MCM3: variants seen among roughly 807,000 people sequenced by gnomAD.
MCM3 encodes minichromosome maintenance complex component 3.
A neutral mutation model predicts 91.3 loss-of-function variants in MCM3; 59 were observed. The observed-to-expected ratio is 0.65, with a 90% CI of 0.52 to 0.80. The LOEUF is 0.80. Among genes scored for constraint, MCM3 ranks in the 30% least tolerant of loss-of-function variants. The pLI, the probability that MCM3 is intolerant of heterozygous loss-of-function variation, is 0.00. For synonymous variants in MCM3, 383 were observed against 379.6 expected (o/e 1.01, Z -0.10); for missense variants, 919 against 1,035.4 (o/e 0.89, Z 1.54).
Position 52,277,141 on chromosome 6 carries a change from C to G in MCM3, c.1091G>C (p.Arg364Pro). Residue 364 changes from arginine (R) to proline (P), a missense_variant, in exon 8 of 17, where the codon CGA becomes CCA. Coordinates refer to ENST00000596288, the MANE Select transcript of MCM3 (RefSeq NM_002388.6). ...GCCCCGGCCAGTGGTGGGGATAGCT[C>G]GGGGTGCAGTGCAAAGCACATACCG... The part of the protein sequence containing the change: ...LLRYVLCTAP[R>P]AIPTTGRGSS... The G allele has an allele frequency of 6.2e-7, 1 of 1,614,048 alleles. No individual in the cohort carries two copies. The highest frequency in any genetic ancestry group is 8.5e-7 in the Non-Finnish European group (1 of 1,180,006).
intron 3 of MCM3, 75 bp from the exon 4 acceptor site, chr6:52,282,250 G>GC: frequency 7.4e-7 from 1 of 1,343,914 alleles, no homozygotes; most frequent in South Asian, 1.2e-5. Context: ...ACATATGCAA[G>GC]CCTATAATGA....
At position 52,284,675 on chromosome 6, in the gene MCM3, G is replaced by A. The variant is rs1480636930; in HGVS notation, c.-1C>T. ...CGTCCAGCACCACGGTACCCGCCAT[G>A]CCCGCTGCCAAAGAACTACCTCCAC... On this transcript the variant is annotated 5_prime_UTR_variant, in exon 1 of 17. Coordinates refer to ENST00000596288, the MANE Select transcript of MCM3 (RefSeq NM_002388.6). The A allele has an allele frequency of 6.2e-7, 1 of 1,607,078 alleles. No homozygotes were observed. The highest frequency in any genetic ancestry group is 8.5e-7 in the Non-Finnish European group (1 of 1,177,390).
rs1459531760 is a variant in MCM3 at position 52,282,748 on chromosome 6, A to G, written c.305T>C (p.Leu102Pro). The G allele has an allele frequency of 3.7e-6, 6 of 1,614,094 alleles. No homozygotes were observed. The highest frequency in any genetic ancestry group is 5.1e-6 in the Non-Finnish European group (6 of 1,180,042). ...GTGCTTGGAGCCAAAGCTGCCTTCC[A>G]GTCCTACGTAGAACTCCTCATACTG... ...AKQYEEFYVG[L>P]EGSFGSKHVS... The change falls in exon 3 of 17, where the codon CTG becomes CCG. Residue 102 changes from leucine (L) to proline (P), a missense_variant. Physicochemically the swap from Leu to Pro is moderately conservative, Grantham distance 98. Transcript: ENST00000596288.
At chr6:52,276,507 A>G in intron 8 of MCM3, 31 bp from the exon 9 acceptor site, 1 of 1,578,442 alleles carries the variant, frequency 6.3e-7, no homozygotes, top group Non-Finnish European at 8.7e-7. Context: ...AATACGTGCT[A>G]CAGTCTAGGT....
At chr6:52,279,813 T>C (rs1313854870) in intron 4 of MCM3, among the ~76,000 whole-genome samples, 2 of 152,260 alleles carry the variant, frequency 1.3e-5, no homozygotes, top group African/African-American at 4.8e-5. Context: ...ACTATGGTTA[T>C]ATTAACATCT....
intron 9 of MCM3, among the ~76,000 whole-genome samples, chr6:52,274,484 A>C (rs1456697283): frequency 6.6e-6 from 1 of 152,156 alleles, no homozygotes; most frequent in Non-Finnish European, 1.5e-5. Flanking sequence ...GTTCGAGACC[A>C]GCCTGGGCAA....
At chr6:52,269,018 G>A in intron 13 of MCM3, 68 bp downstream of exon 13, 1 of 1,510,936 alleles carries the variant, frequency 6.6e-7, no homozygotes. Context: ...GCCACGGAAG[G>A]CTGGGAAGCC....
intron 14 of MCM3, among the ~76,000 whole-genome samples, chr6:52,267,318 G>C (rs1318729214): frequency 7.9e-5 from 12 of 151,806 alleles, no homozygotes; most frequent in Admixed American, 7.9e-4. Context: ...GGATGGTCTT[G>C]ATCTCCTGAC....
intron 11 of MCM3, among the ~76,000 whole-genome samples, chr6:52,272,672 A>T (rs1461730802): frequency 6.6e-6 from 1 of 152,208 alleles, no homozygotes; most frequent in Admixed American, 6.5e-5. Context: ...AAGTTTAGGT[A>T]TTATTTGCTC....
At chr6:52,277,407 A>G in intron 7 of MCM3, 128 bp downstream of exon 7, 1 of 1,113,526 alleles carries the variant, frequency 9.0e-7, no homozygotes, top group Non-Finnish European at 1.3e-6. Context: ...AAAAAGATTC[A>G]TTTTAGCCTT....
chr6:52,269,010 C>T (rs1433231955), intron 13 of MCM3, 76 bp downstream of exon 13: 1 of 1,481,618 alleles, frequency 6.7e-7, no homozygotes, highest in Non-Finnish European at 9.1e-7. Flanking sequence ...AGCCGTCAGC[C>T]ACGGAAGGCT....
At chr6:52,266,431 A>G (rs954525690) in intron 15 of MCM3, among the ~76,000 whole-genome samples, 180 bp downstream of exon 15, 2 of 152,214 alleles carry the variant, frequency 1.3e-5, no homozygotes, top group Non-Finnish European at 2.9e-5. Flanking sequence ...TGTATATAAT[A>G]TAGCAAAGCT....
chr6:52,283,242 G>T, intron 2 of MCM3, 52 bp downstream of exon 2: 1 of 1,466,746 alleles, frequency 6.8e-7, no homozygotes, highest in Non-Finnish European at 9.6e-7. Flanking sequence ...ATCTGGCCAA[G>T]AGGGAAGGGA....
Position 52,278,868 on chromosome 6 carries a change from A to G in MCM3, c.771-18T>C. On this transcript the variant is annotated intron_variant, in intron 5 of 16. Coordinates refer to ENST00000596288, the MANE Select transcript of MCM3 (RefSeq NM_002388.6). ...GGACAGTCCTGGGACAAACAGAATA[A>G]AGAGGAAACCCGTTATATTCAATTC... 6.4e-7 allele frequency: 1 copy of G among 1,553,486 alleles called. No homozygotes were observed. Among genetic ancestry groups the G allele is most frequent in the Non-Finnish European group, 8.9e-7 (1 of 1,128,122 alleles).
chr6:52,283,300 G>A lies in MCM3; in HGVS notation c.185C>T (p.Ala62Val). The change falls in exon 2 of 17, where the codon GCT becomes GTT. Residue 62 changes from alanine to valine, a missense_variant. This residue lies in a region of MCM3 where 401 missense variants were observed against 402.7 expected (regional missense o/e 1.00). Coordinates refer to ENST00000596288, the MANE Select transcript of MCM3 (RefSeq NM_002388.6). ...NDLRRKNEKR[A>V]NRLLNNAFEE... The stretch of plus-strand genomic sequence containing the variant: ...ATATCCCCTTGCCTCTCACCGGTTA[G>A]CCCTCTTCTCGTTTTTCCTGCGCAG... 1.2e-6 allele frequency: 2 copies of A among 1,613,796 alleles called. No individual in the cohort carries two copies. The highest frequency in any genetic ancestry group is 1.7e-6 in the Non-Finnish European group (2 of 1,179,730).
At position 52,279,339 on chromosome 6, in the gene MCM3, T is replaced by A. The variant is rs746106715; in HGVS notation, c.770+22A>T. The A allele has an allele frequency of 1.9e-6, 3 of 1,585,680 alleles. No homozygotes were observed. In the Admixed American group the frequency reaches 5.1e-5, roughly 27 times the overall value. The stretch of plus-strand genomic sequence containing the variant: ...TGGAAGCTGTCAACAGCATTCCATA[T>A]ACTTTAAGGCAGACCCTTTACCTGA... On this transcript the variant is annotated intron_variant, in intron 5 of 16. Transcript: ENST00000596288.
At chr6:52,274,523 T>C (rs1384662050) in intron 9 of MCM3, among the ~76,000 whole-genome samples, 5 of 151,108 alleles carry the variant, frequency 3.3e-5, no homozygotes, top group Non-Finnish European at 5.9e-5. Context: ...TATAAAAACT[T>C]AAAAAGAAAA....
Position 52,264,475 on chromosome 6 carries a change from C to A in MCM3, c.*113G>T. The A allele has an allele frequency of 8.7e-7, 1 of 1,148,474 alleles. No homozygotes were observed. The highest frequency in any genetic ancestry group is 1.4e-5 in the South Asian group (1 of 71,060). The allele number at this position is 1,148,474 out of a possible 1,614,324, so 71.1% of individuals were successfully genotyped here. ...CTTCATCACCAACATTCCTCGCCTT[C>A]AGTTGAATTCAACACTGTTAAGGGA... On this transcript the variant is annotated 3_prime_UTR_variant, in exon 17 of 17. Transcript: ENST00000596288.
At chr6:52,283,469 A>G (rs1317995600) in intron 1 of MCM3, 63 bp from the exon 2 acceptor site, 12 of 1,162,008 alleles carry the variant, frequency 1.0e-5, no homozygotes, top group Non-Finnish European at 1.6e-5. Flanking sequence ...TCTAAACAGA[A>G]GTAGTTCTCA....
Sources: allele counts gnomAD v4.1 joint callset (sites outside exome capture counted in the v4.1 genomes callset), GRCh38; gene constraint gnomAD v4.1.1; regional missense constraint gnomAD v4.1.1; transcripts MANE v1.5; gene names NCBI Gene and HGNC (gene_info 2026-07-23, HGNC 2026-07-21).